Variants in MACROD2 observed in about 807,000 individuals in gnomAD.
MACROD2 encodes mono-ADP ribosylhydrolase 2, also known as ADP-ribose glycohydrolase MACROD2.
Under a neutral mutation model 70.4 loss-of-function variants are expected in MACROD2, and 36 were observed. The observed-to-expected ratio is 0.51, with a 90% confidence interval of 0.39 to 0.68. The LOEUF (loss-of-function observed/expected upper bound fraction) is 0.68, where lower values mean the gene tolerates loss of function less well. Ranked by LOEUF, MACROD2 falls within the 30% of genes least tolerant of loss-of-function variation. The pLI is 0.00. For missense variants in MACROD2, 496 were observed against 538.4 expected (o/e 0.92, Z 0.78); for synonymous variants, 172 against 178.8 (o/e 0.96, Z 0.30).
chr20:15,655,653 G>C (rs553490644), intron 8 of MACROD2, among the ~76,000 whole-genome samples: 1 of 152,044 alleles, frequency 6.6e-6, no homozygotes, highest in African/African-American at 2.4e-5. Flanking sequence ...ACATTATTTC[G>C]AATGATGTAT....
intron 8 of MACROD2, among the ~76,000 whole-genome samples, chr20:15,616,789 G>A (rs2049045289): frequency 6.6e-6 from 1 of 152,152 alleles, no homozygotes; most frequent in Non-Finnish European, 1.5e-5. Context: ...TCTGGGCTTT[G>A]TCACTGAAAA....
rs533944440 is a variant in MACROD2 at position 14,396,760 on chromosome 20, C to T, written c.272-96719C>T. 4.0e-5 allele frequency among the ~76,000 whole-genome samples: 6 copies of T among 151,540 alleles called. 1 individual carries two copies. The highest frequency in any genetic ancestry group is 3.9e-4 in the Admixed American group (6 of 15,240). ...CTAACGCGGTGAAACCCCGTCACTA[C>T]TAAAAATACAAAAAATTAGCTGGGC... On this transcript the variant is annotated intron_variant, in intron 3 of 17. Coordinates refer to ENST00000684519, the MANE Select transcript of MACROD2 (RefSeq NM_001351661.2).
In MACROD2 at chr20:16,044,893, G is replaced by A. The variant is rs147323380; in HGVS notation, c.1300+254G>A. 7.7e-4 allele frequency among the ~76,000 whole-genome samples: 117 copies of A among 152,242 alleles called. 1 individual carries two copies. The highest frequency in any genetic ancestry group is 2.7e-3 in the African/African-American group (113 of 41,564). On this transcript the variant is annotated intron_variant, in intron 17 of 17. Coordinates refer to ENST00000684519, the MANE Select transcript of MACROD2 (RefSeq NM_001351661.2). Reference sequence around the variant, plus strand: ...ACCCTGGTTTTCTGTGCTTTGACAAGTAAAAAATGTCTCCATCCATCTCAC... The same window carrying A: ...ACCCTGGTTTTCTGTGCTTTGACAAATAAAAAATGTCTCCATCCATCTCAC...
intron 5 of MACROD2, among the ~76,000 whole-genome samples, chr20:14,979,326 T>A (rs1356178324): frequency 6.6e-6 from 1 of 152,150 alleles, no homozygotes; most frequent in Non-Finnish European, 1.5e-5. Context: ...CTAACTATTT[T>A]TCATGGCTTG....
At chr20:15,339,314 A>G (rs920889668) in intron 6 of MACROD2, among the ~76,000 whole-genome samples, 2 of 151,926 alleles carry the variant, frequency 1.3e-5, no homozygotes, top group African/African-American at 4.9e-5. Flanking sequence ...ATAATTTGGC[A>G]GAAATAAAAG....
intron 10 of MACROD2, among the ~76,000 whole-genome samples, chr20:15,897,115 G>A (rs1416593792): frequency 6.6e-6 from 1 of 151,884 alleles, no homozygotes; most frequent in Non-Finnish European, 1.5e-5. Flanking sequence ...TTATCTACAG[G>A]TTCCTTTAGT....
intron 5 of MACROD2, among the ~76,000 whole-genome samples, chr20:14,937,469 CAA>C (rs1328597899): frequency 6.6e-6 from 1 of 151,998 alleles, no homozygotes; most frequent in African/African-American, 2.4e-5. Flanking sequence ...ATTATCAAAA[CAA>C]AGACTTATCT....
At chr20:15,950,065 C>T (rs765885683) in intron 12 of MACROD2, among the ~76,000 whole-genome samples, 1 of 152,186 alleles carries the variant, frequency 6.6e-6, no homozygotes, top group Non-Finnish European at 1.5e-5. Flanking sequence ...TTTGGAGTAA[C>T]TCTTTAGAGT....
intron 5 of MACROD2, among the ~76,000 whole-genome samples, chr20:14,819,922 C>T (rs573833710): frequency 6.6e-5 from 10 of 152,108 alleles, no homozygotes; most frequent in Admixed American, 1.3e-4. Flanking sequence ...TGTTCCCAAC[C>T]TAAAAGCCCT....
chr20:14,929,058 T>A (rs1387269641), intron 5 of MACROD2, among the ~76,000 whole-genome samples: 2 of 152,210 alleles, frequency 1.3e-5, no homozygotes, highest in Non-Finnish European at 2.9e-5. Context: ...GCTGACTTTT[T>A]ATATTTATCA....
intron 5 of MACROD2, among the ~76,000 whole-genome samples, chr20:14,758,777 T>C (rs1301858702): frequency 6.6e-6 from 1 of 152,168 alleles, no homozygotes; most frequent in East Asian, 1.9e-4. Context: ...AGGATTTCAG[T>C]ATCAGAGATA....
Position 14,468,402 on chromosome 20 carries a change from A to G in MACROD2, c.272-25077A>G, listed in dbSNP as rs187218837. On this transcript the variant is annotated intron_variant, in intron 3 of 17. Coordinates refer to ENST00000684519, the MANE Select transcript of MACROD2 (RefSeq NM_001351661.2). ...TATTTTCTGATCTTTCTTCGTTTAA[A>G]GTCTGTTTTATCAGAGACTAGGATT... 7.4e-3 allele frequency among the ~76,000 whole-genome samples: 1,084 copies of G among 145,860 alleles called. 7 individuals carry two copies. The highest frequency in any genetic ancestry group is 0.011 in the Middle Eastern group (3 of 274).
At chr20:14,836,287 T>G (rs2073029456) in intron 5 of MACROD2, among the ~76,000 whole-genome samples, 1 of 152,072 alleles carries the variant, frequency 6.6e-6, no homozygotes, top group Admixed American at 6.6e-5. Context: ...CCAAAATCAT[T>G]TGATCTGGGA....
chr20:15,189,741 A>G (rs1243855883), intron 5 of MACROD2, among the ~76,000 whole-genome samples: 1 of 152,022 alleles, frequency 6.6e-6, no homozygotes, highest in Non-Finnish European at 1.5e-5. Flanking sequence ...TTGAGGAGAA[A>G]ATACAGATCC....
chr20:15,203,720 C>A (rs1695698744), intron 5 of MACROD2, among the ~76,000 whole-genome samples: 1 of 152,036 alleles, frequency 6.6e-6, no homozygotes, highest in Admixed American at 6.6e-5. Flanking sequence ...AAACATGTTT[C>A]ATGAATAAAC....
At chr20:14,648,737 A>G (rs1017022576) in intron 4 of MACROD2, among the ~76,000 whole-genome samples, 2 of 152,124 alleles carry the variant, frequency 1.3e-5, no homozygotes, top group Non-Finnish European at 2.9e-5. Context: ...TTAAGAGTAT[A>G]CTATGAATAT....
intron 5 of MACROD2, among the ~76,000 whole-genome samples, chr20:14,739,970 T>G (rs926777159): frequency 1.3e-5 from 2 of 151,998 alleles, no homozygotes; most frequent in East Asian, 1.9e-4. Flanking sequence ...AAGTAAAAAT[T>G]TTCAAAGCAT....
At chr20:14,109,447 A>G (rs1306252646) in intron 3 of MACROD2, among the ~76,000 whole-genome samples, 2 of 151,928 alleles carry the variant, frequency 1.3e-5, no homozygotes, top group South Asian at 2.1e-4. Context: ...AACAATACAA[A>G]AGATCAATCA....
chr20:14,339,093 G>A (rs551892260), intron 3 of MACROD2, among the ~76,000 whole-genome samples: 5 of 152,074 alleles, frequency 3.3e-5, no homozygotes, highest in Non-Finnish European at 5.9e-5. Flanking sequence ...TTTGATTGTG[G>A]TCTCTTCATT....
Sources: gnomAD v4.1 joint callset for allele counts (sites outside exome capture counted in the v4.1 genomes callset) on GRCh38, gnomAD v4.1.1 for gene constraint, MANE v1.5 for transcripts, NCBI Gene and HGNC (gene_info 2026-07-23, HGNC 2026-07-21) for gene names.